The following RMP64 variants were observed in gnomAD, a reference collection of about 807,000 sequenced individuals.
RMP64 encodes the protein nucleolus and neural progenitor protein.
At chr3:113,011,469 A>G in the RMP64 span, 1 of 1,407,618 alleles carries the variant, frequency 7.1e-7, no homozygotes, top group Non-Finnish European at 9.6e-7. Context: ...TTACATAATA[A>G]ACTGCAAGAT....
chr3:113,019,225 C>A, the RMP64 span: 1 of 371,306 alleles, frequency 2.7e-6, no homozygotes, highest in African/African-American at 2.1e-5. Flanking sequence ...GCAAGGGTTC[C>A]CAGGCAGCAC....
the RMP64 span, chr3:113,005,624 G>T: frequency 6.2e-7 from 1 of 1,613,544 alleles, no homozygotes. Flanking sequence ...TTGCATCACC[G>T]TCCACGAATC....
the RMP64 span, chr3:113,010,442 A>C: frequency 1.9e-6 from 1 of 534,374 alleles, no homozygotes; most frequent in Non-Finnish European, 3.3e-6. Flanking sequence ...AATATTTCTG[A>C]AGGTACTCTA....
chr3:113,015,218 A>G, the RMP64 span, among the ~76,000 whole-genome samples: 4 of 152,088 alleles, frequency 2.6e-5, no homozygotes, highest in African/African-American at 7.2e-5. Context: ...CATGGCTCTT[A>G]CTTTTTTTAA....
chr3:113,013,321 C>A, the RMP64 span: 1 of 1,613,908 alleles, frequency 6.2e-7, no homozygotes, highest in African/African-American at 1.3e-5. Context: ...AACTTGCAGG[C>A]TCCCAAAACC....
the RMP64 span, chr3:113,010,810 A>G: frequency 1.0e-6 from 1 of 977,010 alleles, no homozygotes. Context: ...ACCACAAAAT[A>G]AAGGAATAAA....
At chr3:113,002,954 A>C in the RMP64 span, 1 of 152,354 alleles carries the variant, frequency 6.6e-6, no homozygotes, top group Non-Finnish European at 1.5e-5. Context: ...ACTGGTTGCC[A>C]CAGCAGTGAC....
the RMP64 span, chr3:113,019,581 G>A: frequency 2.5e-6 from 4 of 1,613,854 alleles, no homozygotes; most frequent in Non-Finnish European, 3.4e-6. Context: ...ACTGCGCTGC[G>A]GTTCCCCGCC....
chr3:113,019,395 G>A, the RMP64 span: 5 of 644,000 alleles, frequency 7.8e-6, no homozygotes, highest in East Asian at 5.5e-5. Flanking sequence ...AAAGTGCTGG[G>A]ACCGCTCGAC....
At chr3:113,019,615 C>T in the RMP64 span, 15 of 1,613,808 alleles carry the variant, frequency 9.3e-6, no homozygotes, top group Non-Finnish European at 1.2e-5. Flanking sequence ...CACGGTTCCA[C>T]GGCTCCAGGC....
chr3:113,015,336 T>C, the RMP64 span, among the ~76,000 whole-genome samples: 1 of 152,326 alleles, frequency 6.6e-6, no homozygotes, highest in South Asian at 2.1e-4. Flanking sequence ...GCTTACATTA[T>C]AGCTGGGAGA....
chr3:113,012,572 C>A, the RMP64 span: 5 of 498,110 alleles, frequency 1.0e-5, no homozygotes, highest in Non-Finnish European at 1.4e-5. Flanking sequence ...CATCAGCACT[C>A]GGCTTCCCAA....
At chr3:113,017,262 G>A in the RMP64 span, among the ~76,000 whole-genome samples, 1 of 152,066 alleles carries the variant, frequency 6.6e-6, no homozygotes. Context: ...ATTACTTTTT[G>A]AAATGCTGAA....
the RMP64 span, chr3:113,009,671 G>A: frequency 6.6e-6 from 1 of 152,280 alleles, no homozygotes; most frequent in East Asian, 1.9e-4. Context: ...ATGTGGCCTG[G>A]CAGTTTCTTG....
chr3:113,004,884 A>G, the RMP64 span: 2 of 152,390 alleles, frequency 1.3e-5, no homozygotes, highest in South Asian at 2.1e-4. Flanking sequence ...TTTGGAATCA[A>G]TCACTGGTAC....
the RMP64 span, chr3:113,010,942 T>A: frequency 1.9e-6 from 2 of 1,062,120 alleles, no homozygotes; most frequent in African/African-American, 1.6e-5. Flanking sequence ...AGATGTGAGA[T>A]GTTGAATTTC....
At chr3:113,008,679 C>G in the RMP64 span, 16 of 321,732 alleles carry the variant, frequency 5.0e-5, no homozygotes, top group Non-Finnish European at 8.6e-5. Context: ...AAAAAAAAAT[C>G]AGTCTGTAAG....
At chr3:113,003,448 A>T in the RMP64 span, 1 of 151,858 alleles carries the variant, frequency 6.6e-6, no homozygotes, top group Non-Finnish European at 1.5e-5. Flanking sequence ...CATTTTTTTA[A>T]ATGTTAAATA....
the RMP64 span, chr3:113,003,345 A>AAATAAT: frequency 2.0e-5 from 3 of 152,064 alleles, no homozygotes; most frequent in Non-Finnish European, 4.4e-5. Flanking sequence ...CTGTCTCAAA[A>AAATAAT]AATAATAATA....
Sources: gnomAD v4.1 joint callset for allele counts (sites outside exome capture counted in the v4.1 genomes callset) on GRCh38, gnomAD v4.1.1 for gene constraint, MANE v1.5 for transcripts, NCBI Gene and HGNC (gene_info 2026-07-23, HGNC 2026-07-21) for gene names.